Variants in ABCD4 observed in about 807,000 individuals in gnomAD.
ABCD4 encodes lysosomal cobalamin transporter ABCD4.
Under a neutral mutation model 86.3 loss-of-function variants are expected in ABCD4, and 53 were observed. The observed-to-expected ratio is 0.61, with a 90% CI of 0.49 to 0.77. The LOEUF is 0.77. Among genes scored for constraint, ABCD4 ranks in the 30% least tolerant of loss-of-function variants. The pLI, the probability that ABCD4 is intolerant of heterozygous loss-of-function variation, is 0.00. For synonymous variants in ABCD4, 328 were observed against 313.6 expected (o/e 1.05, Z -0.49); for missense variants, 757 against 764.5 (o/e 0.99, Z 0.12).
rs766939432 is a variant in ABCD4, at chr14:74,293,257, G to T, written c.720-9C>A. 6.2e-6 allele frequency: 10 copies of T among 1,613,844 alleles called. No homozygotes were observed. The highest frequency in any genetic ancestry group is 7.6e-6 in the Non-Finnish European group (9 of 1,179,800). On this transcript the variant is annotated splice_polypyrimidine_tract_variant and intron_variant, in intron 7 of 18. Coordinates refer to ENST00000356924, the MANE Select transcript of ABCD4 (RefSeq NM_005050.4). The stretch of plus-strand genomic sequence containing the variant: ...GCTCCACATGCCCAGCTCTGACAAG[G>T]AAAGGCTGGGATGTCCACAGGGCTG...
In ABCD4 at chr14:74,293,166, G is replaced by A. The variant is rs758005151; in HGVS notation, c.802C>T (p.Leu268Phe). ...QTQRELMSKE[L>F]WLYIGINTFD... Reference sequence around the variant, plus strand: ...CCCCCTCGCCTACTGTACAGCCAGAGCTCCTTGGACATCAGCTCCCTCTGG... The same window carrying A: ...CCCCCTCGCCTACTGTACAGCCAGAACTCCTTGGACATCAGCTCCCTCTGG... Residue 268 changes from leucine to phenylalanine, a missense_variant, in exon 8 of 19, where the codon CTC becomes TTC. Leu to Phe is a conservative substitution (Grantham distance 22, BLOSUM62 0). Transcript: ENST00000356924. The A allele has an allele frequency of 6.2e-7, 1 of 1,614,108 alleles. No individual in the cohort carries two copies. The highest frequency in any genetic ancestry group is 1.1e-5 in the South Asian group (1 of 91,076).
Position 74,286,825 on chromosome 14 carries a change from G to T in ABCD4, c.1637-9C>A, listed in dbSNP as rs1374647665. 2 of 1,612,616 alleles carry T rather than the reference G, an allele frequency of 1.2e-6. No homozygotes were observed. The highest frequency in any genetic ancestry group is 1.7e-6 in the Non-Finnish European group (2 of 1,179,078). On this transcript the variant is annotated splice_polypyrimidine_tract_variant and intron_variant, in intron 17 of 18. Coordinates refer to ENST00000356924, the MANE Select transcript of ABCD4 (RefSeq NM_005050.4). ...GGTGGCTTCATCAAGCACTGAGGGGGCAGAGCACAGAGGAAGAGATCAAAG... is the reference window on the plus strand; with the variant it reads ...GGTGGCTTCATCAAGCACTGAGGGGTCAGAGCACAGAGGAAGAGATCAAAG...
chr14:74,297,589 T>C, intron 4 of ABCD4: 1 of 411,686 alleles, frequency 2.4e-6, no homozygotes, highest in Non-Finnish European at 3.3e-6. Context: ...TGGGGGTTTC[T>C]GCTATGTTGC....
intron 17 of ABCD4, 84 bp from the exon 18 acceptor site, chr14:74,286,900 G>T: frequency 7.5e-7 from 1 of 1,329,844 alleles, no homozygotes; most frequent in Non-Finnish European, 1.0e-6. Flanking sequence ...CTCAACCCCA[G>T]CTGGGACCCA....
chr14:74,293,033 C>T, intron 8 of ABCD4, 121 bp downstream of exon 8: 2 of 1,445,322 alleles, frequency 1.4e-6, no homozygotes, highest in African/African-American at 2.8e-5. Context: ...CCCTCCTCAT[C>T]CCCGGTTAAT....
At chr14:74,298,318 C>T (rs1210402134) in intron 3 of ABCD4, among the ~76,000 whole-genome samples, 1 of 152,162 alleles carries the variant, frequency 6.6e-6, no homozygotes, top group East Asian at 1.9e-4. Context: ...GTTGCCCAGG[C>T]TGGAGTGCAA....
intron 7 of ABCD4, 134 bp downstream of exon 7, chr14:74,295,014 G>C (rs1295722314): frequency 1.9e-6 from 2 of 1,078,308 alleles, no homozygotes; most frequent in African/African-American, 3.1e-5. Context: ...GGGAGGTAGA[G>C]GGAGAGGGTC....
At position 74,290,517 on chromosome 14, in the gene ABCD4, G is replaced by A; in HGVS notation, c.1119-18C>T. 1 of 1,605,340 alleles carries A rather than the reference G, an allele frequency of 6.2e-7. No homozygotes were observed. ...CTGGGGGTCTGTGTCAGAGAAGAGA[G>A]GGGGCGTGAGGAAGATGGGCAGGGT... On this transcript the variant is annotated intron_variant, in intron 11 of 18. Transcript: ENST00000356924.
In ABCD4 at chr14:74,292,777, G is replaced by C. The variant is rs2081892819; in HGVS notation, c.907C>G (p.Pro303Ala). 6.2e-7 allele frequency: 1 copy of C among 1,614,026 alleles called. No individual in the cohort carries two copies. Among genetic ancestry groups the C allele is most frequent in the Non-Finnish European group, 8.5e-7 (1 of 1,180,024 alleles). Residue 303 changes from proline (P) to alanine (A), a missense_variant, in exon 9 of 19, where the codon CCC (proline) becomes GCC (alanine). Pro to Ala is a conservative substitution (Grantham distance 27). Coordinates refer to ENST00000356924, the MANE Select transcript of ABCD4 (RefSeq NM_005050.4). ...CTGACCAGGGTGCTAAGCTCTGCGGGACTCAGGTCTCCATAGACCCCGCTG... is the reference window on the plus strand; with the variant it reads ...CTGACCAGGGTGCTAAGCTCTGCGGCACTCAGGTCTCCATAGACCCCGCTG... ...IFSGVYGDLS[P>A]AELSTLVSKN...
At chr14:74,291,759 G>A (rs915529853) in intron 11 of ABCD4, among the ~76,000 whole-genome samples, 2 of 152,160 alleles carry the variant, frequency 1.3e-5, no homozygotes, top group African/African-American at 2.4e-5. Context: ...CACTTTCCAT[G>A]GATGATGATA....
intron 11 of ABCD4, 127 bp from the exon 12 acceptor site, chr14:74,290,626 C>A: frequency 3.0e-6 from 2 of 674,108 alleles, no homozygotes; most frequent in East Asian, 2.7e-5. Context: ...CCCAAAATCA[C>A]ATGCTGAAGT....
At chr14:74,296,473 C>G (rs758927236) in intron 4 of ABCD4, 24 bp from the exon 5 acceptor site, 4 of 1,610,776 alleles carry the variant, frequency 2.5e-6, no homozygotes, top group South Asian at 2.2e-5. Context: ...CACAGAGTAG[C>G]TGGACCCAGG....
intron 3 of ABCD4, 196 bp downstream of exon 3, chr14:74,299,352 G>A: frequency 1.6e-6 from 1 of 610,168 alleles, no homozygotes; most frequent in Non-Finnish European, 2.8e-6. Flanking sequence ...GGAAACATCT[G>A]AGGAATCAGT....
rs140323292 is a variant in ABCD4, at chr14:74,299,838, T to C, written c.158-163A>G. On this transcript the variant is annotated intron_variant, in intron 2 of 18. Transcript: ENST00000356924. Reference sequence around the variant, plus strand: ...GCACTTTGGGAGGCTGAGGCGGGTGTATCACCTGAGGTCATGAGTTCGAGA... The same window carrying C: ...GCACTTTGGGAGGCTGAGGCGGGTGCATCACCTGAGGTCATGAGTTCGAGA... 1,632 of 644,542 alleles carry C rather than the reference T, an allele frequency of 2.5e-3. 16 individuals carry two copies. The highest frequency in any genetic ancestry group is 0.019 in the African/African-American group (1,055 of 54,526). 39.9% of individuals were successfully genotyped at this position (644,542 alleles called of 1,614,324 possible).
chr14:74,298,517 C>T (rs1019101743), intron 3 of ABCD4, among the ~76,000 whole-genome samples: 4 of 152,268 alleles, frequency 2.6e-5, no homozygotes, highest in African/African-American at 9.6e-5. Flanking sequence ...GTGATCCGCC[C>T]GCCTCGGCCT....
In ABCD4 at chr14:74,290,328, C is replaced by G. The variant is rs749042883; in HGVS notation, c.1290G>C (p.Leu430Phe). Residue 430 changes from leucine (L) to phenylalanine (F), a missense_variant, in exon 12 of 19, where the codon TTG becomes TTC. Transcript: ENST00000356924. ...TCCAGAGGCCACCCAGAACCCGGAG[C>G]AAGGAGGTCTTGCCAGTGCCCGTGT... ...TGNTGTGKTS[L>F]LRVLGGLWTS... The G allele has an allele frequency of 2.9e-5, 47 of 1,614,080 alleles. No individual in the cohort carries two copies. The highest frequency in any genetic ancestry group is 3.8e-5 in the Non-Finnish European group (45 of 1,180,048).
At chr14:74,291,532 T>A (rs1006854706) in intron 11 of ABCD4, among the ~76,000 whole-genome samples, 1 of 152,234 alleles carries the variant, frequency 6.6e-6, no homozygotes, top group East Asian at 1.9e-4. Flanking sequence ...TTCTGGAGTT[T>A]CTGCCTCTGC....
chr14:74,291,045 T>C (rs1317261288), intron 11 of ABCD4, among the ~76,000 whole-genome samples: 1 of 152,024 alleles, frequency 6.6e-6, no homozygotes, highest in Non-Finnish European at 1.5e-5. Flanking sequence ...ATATGACTGG[T>C]GTCCTCTTAA....
At chr14:74,300,319 T>C in intron 1 of ABCD4, 51 bp from the exon 2 acceptor site, 1 of 1,218,734 alleles carries the variant, frequency 8.2e-7, no homozygotes, top group Non-Finnish European at 1.2e-6. Flanking sequence ...TAATTAAGCC[T>C]TAGGGAGTAG....
Sources: allele counts gnomAD v4.1 joint callset (sites outside exome capture counted in the v4.1 genomes callset), GRCh38; gene constraint gnomAD v4.1.1; transcripts MANE v1.5; gene names NCBI Gene and HGNC (gene_info 2026-07-23, HGNC 2026-07-21).